Variants in ELF4 observed in about 807,000 individuals in gnomAD.
The protein encoded by ELF4 is E74 like ETS transcription factor 4.
In ELF4, 10 loss-of-function variants were observed where a neutral mutation model predicts 31.7. The observed-to-expected ratio is 0.32, with a 90% confidence interval of 0.19 to 0.54. The LOEUF is 0.54. Ranked by LOEUF, ELF4 falls within the 20% of genes least tolerant of loss-of-function variation. The pLI is 0.95. For missense variants in ELF4, 418 were observed against 522.0 expected (o/e 0.80, Z 1.94); for synonymous variants, 208 against 226.7 (o/e 0.92, Z 0.74).
chrX:130,101,709 G>A (rs956461009), intron 1 of ELF4, among the ~76,000 whole-genome samples: 3 of 110,832 alleles, frequency 2.7e-5, no homozygotes, highest in Admixed American at 9.7e-5. Context: ...TGAGGCAGGA[G>A]AATCGCTTGA....
rs1309912854 is a variant in ELF4, at chrX:130,110,449, C to T, written c.-334G>A. On this transcript the variant is annotated 5_prime_UTR_variant, in exon 1 of 9. Transcript: ENST00000308167. The stretch of plus-strand genomic sequence containing the variant: ...CAGCCCGTCCTCTCCCCTCGGAAGC[C>T]GGGCCGGGCGAGCGGCGCCAGGAAC... 9.0e-6 allele frequency: 1 copy of T among 110,804 alleles called. No individual in the cohort carries two copies. Among genetic ancestry groups the T allele is most frequent in the African/African-American group, 3.3e-5 (1 of 30,614 alleles). 9.1% of individuals were successfully genotyped at this position (110,804 alleles called of 1,213,427 possible). A position where few individuals can be genotyped will look rare whatever the true frequency, so the allele number is the denominator to read the frequency against.
intron 1 of ELF4, among the ~76,000 whole-genome samples, chrX:130,101,598 C>T (rs112857775): frequency 2.1e-3 from 225 of 109,627 alleles, no homozygotes; most frequent in African/African-American, 7.1e-3. Context: ...TCCAGACCAG[C>T]CTGACCAACA....
At chrX:130,107,367 G>A (rs959700899) in intron 1 of ELF4, among the ~76,000 whole-genome samples, 5 of 111,857 alleles carry the variant, frequency 4.5e-5, no homozygotes, top group African/African-American at 9.8e-5. Flanking sequence ...TGTGTGGGGA[G>A]GGTGGGAGGT....
rs1378864850 is a variant in ELF4 at position 130,065,920 on chromosome X, G to A, written c.*801C>T. Reference sequence around the variant, plus strand: ...GCAAGGTGACTGTGGTTGCTAACACGGCAAACTCCAGGAAGAGTACCTTGG... The same window carrying A: ...GCAAGGTGACTGTGGTTGCTAACACAGCAAACTCCAGGAAGAGTACCTTGG... On this transcript the variant is annotated 3_prime_UTR_variant, in exon 9 of 9. Transcript: ENST00000308167. 2 of 173,484 alleles carry A rather than the reference G, an allele frequency of 1.2e-5. No homozygotes were observed. The highest frequency in any genetic ancestry group is 5.9e-5 in the African/African-American group (2 of 33,862). The allele number at this position is 173,484 out of a possible 1,213,427, so 14.3% of individuals were successfully genotyped here. A position where few individuals can be genotyped will look rare whatever the true frequency, so the allele number is the denominator to read the frequency against.
chrX:130,089,437 A>G (rs1933013394), intron 1 of ELF4, among the ~76,000 whole-genome samples: 1 of 82,984 alleles, frequency 1.2e-5, no homozygotes, highest in Non-Finnish European at 2.2e-5. Context: ...TGAGCCTGGG[A>G]GGTGGGGGCC....
chrX:130,104,277 T>C (rs868581482), intron 1 of ELF4, among the ~76,000 whole-genome samples: 1 of 86,420 alleles, frequency 1.2e-5, no homozygotes, highest in Non-Finnish European at 2.3e-5. Context: ...TTCAGTATAT[T>C]ACACACACAC....
chrX:130,104,876 C>T (rs1050657897), intron 1 of ELF4, among the ~76,000 whole-genome samples: 11 of 111,633 alleles, frequency 9.9e-5, no homozygotes, highest in South Asian at 3.8e-4. Flanking sequence ...GGTGGCAACT[C>T]GGCTGGGTGC....
intron 1 of ELF4, among the ~76,000 whole-genome samples, chrX:130,097,472 A>G (rs1475438924): frequency 1.8e-5 from 2 of 111,636 alleles, no homozygotes; most frequent in East Asian, 5.6e-4. Flanking sequence ...AAAGAAAGGA[A>G]AAAAAGCGAG....
rs1009466520 is a variant in ELF4, at chrX:130,073,930, T to G, written c.340+119A>C. On this transcript the variant is annotated intron_variant, in intron 4 of 8. Transcript: ENST00000308167. The stretch of plus-strand genomic sequence containing the variant: ...AAGATAAAAGTCATATGTATATCGG[T>G]GGGTGTGGTGCATGTATACCTGTGT... 1.0e-5 allele frequency: 7 copies of G among 691,539 alleles called. No individual in the cohort carries two copies. The Admixed American group carries it at 1.5e-4, about 15-fold the overall frequency. The allele number at this position is 691,539 out of a possible 1,213,427, so 57.0% of individuals were successfully genotyped here.
chrX:130,099,750 T>C (rs1033563470), intron 1 of ELF4, among the ~76,000 whole-genome samples: 3 of 110,464 alleles, frequency 2.7e-5, no homozygotes, highest in African/African-American at 9.9e-5. Context: ...GCAATTCTCA[T>C]GTCTCAGCCT....
intron 1 of ELF4, among the ~76,000 whole-genome samples, chrX:130,088,074 C>T (rs1182302993): frequency 9.1e-6 from 1 of 110,240 alleles, no homozygotes; most frequent in South Asian, 3.9e-4. Context: ...AAGGGAGGGG[C>T]ATAACAAGCA....
intron 5 of ELF4, 47 bp downstream of exon 5, chrX:130,072,179 C>T (rs767570792): frequency 7.0e-6 from 8 of 1,145,744 alleles, no homozygotes; most frequent in Admixed American, 2.2e-5. Flanking sequence ...CCCCACGCCC[C>T]GCCCATCCCC....
At chrX:130,111,507 A>G (rs1228015636), upstream of ELF4, among the ~76,000 whole-genome samples, 1 of 112,585 alleles carries the variant, frequency 8.9e-6, no homozygotes, top group Non-Finnish European at 1.9e-5. Flanking sequence ...TTTTGGAACC[A>G]TATGCCCGAC....
intron 8 of ELF4, among the ~76,000 whole-genome samples, chrX:130,068,514 G>A (rs759860362): frequency 4.3e-4 from 48 of 111,864 alleles, no homozygotes; most frequent in African/African-American, 1.3e-3. Context: ...CTGCGCCAGC[G>A]TAGTGACTGC....
intron 8 of ELF4, among the ~76,000 whole-genome samples, chrX:130,068,243 T>C (rs1932734284): frequency 8.9e-6 from 1 of 112,578 alleles, no homozygotes; most frequent in Non-Finnish European, 1.9e-5. Context: ...ATTTTACAGC[T>C]TGAGGAAAGT....
intron 1 of ELF4, among the ~76,000 whole-genome samples, chrX:130,101,748 G>A (rs908637810): frequency 8.1e-5 from 9 of 110,459 alleles, no homozygotes; most frequent in African/African-American, 1.3e-4. Context: ...GCAGTGAGCC[G>A]AGATCACGCC....
chrX:130,081,662 C>T (rs112547548), intron 1 of ELF4, 123 bp from the exon 2 acceptor site: 37 of 311,441 alleles, frequency 1.2e-4, no homozygotes, highest in Middle Eastern at 1.0e-3. Context: ...GAGGAGTGGC[C>T]GAAACGGGAG....
intron 4 of ELF4, 122 bp downstream of exon 4, chrX:130,073,927 C>T: frequency 1.5e-6 from 1 of 677,083 alleles, no homozygotes; most frequent in Non-Finnish European, 2.4e-6. Flanking sequence ...ATATGTATAT[C>T]GGTGGGTGTG....
intron 2 of ELF4, among the ~76,000 whole-genome samples, chrX:130,077,821 A>G (rs1932847997): frequency 8.9e-6 from 1 of 111,973 alleles, no homozygotes; most frequent in African/African-American, 3.2e-5. Context: ...GGCGTAGACT[A>G]AGCTCTCATT....
Sources: gnomAD v4.1 joint callset for allele counts (sites outside exome capture counted in the v4.1 genomes callset) on GRCh38, gnomAD v4.1.1 for gene constraint, MANE v1.5 for transcripts, NCBI Gene and HGNC (gene_info 2026-07-23, HGNC 2026-07-21) for gene names.